The following HMCN1 variants were observed in gnomAD, a reference collection of about 807,000 sequenced individuals.
HMCN1 encodes the protein hemicentin-1.
A neutral mutation model predicts 625.9 loss-of-function variants in HMCN1; 321 were observed. The ratio of observed to expected loss-of-function variants is 0.51; its 90% CI spans 0.47 to 0.56. The LOEUF (loss-of-function observed/expected upper bound fraction) is 0.56, where lower values mean the gene tolerates loss of function less well. Ranked by LOEUF, HMCN1 falls within the 20% of genes least tolerant of loss-of-function variation. HMCN1 has a pLI of 0.00. For synonymous variants in HMCN1, 2,425 were observed against 2,417.6 expected, an observed-to-expected ratio of 1.00 and a Z score of -0.09; for missense variants, 6,588 against 6,887.3, an observed-to-expected ratio of 0.96 and a Z score of 1.54.
intron 18 of HMCN1, among the ~76,000 whole-genome samples, chr1:185,983,004 T>G (rs1039815160): frequency 1.3e-5 from 2 of 152,094 alleles, no homozygotes; most frequent in Non-Finnish European, 2.9e-5. Flanking sequence ...ATTTTCATAG[T>G]ACTTAAATAT....
intron 97 of HMCN1, among the ~76,000 whole-genome samples, chr1:186,158,359 TG>T (rs1487024237): frequency 3.3e-5 from 5 of 152,014 alleles, no homozygotes; most frequent in Non-Finnish European, 7.4e-5. Flanking sequence ...ATAAGTAGGT[TG>T]CGAAAATTTT....
chr1:185,933,849 A>C (rs370814924), intron 11 of HMCN1, 25 bp downstream of exon 11: 1 of 1,608,496 alleles, frequency 6.2e-7, no homozygotes, highest in South Asian at 1.1e-5. Flanking sequence ...TAACTTCTGA[A>C]TTATGACATC....
At position 186,115,315 on chromosome 1, in the gene HMCN1, C is replaced by T; in HGVS notation, c.11462C>T (p.Thr3821Ile). The T allele has an allele frequency of 6.2e-7, 1 of 1,614,000 alleles. No individual in the cohort carries two copies. The highest frequency in any genetic ancestry group is 8.5e-7 in the Non-Finnish European group (1 of 1,179,922). The change falls in exon 75 of 107, where the codon ACT becomes ATT. Residue 3821 changes from threonine (T) to isoleucine (I), a missense_variant. Physicochemically the swap from Thr to Ile is moderately conservative, Grantham distance 89. Around this residue, in one of 3 missense-constraint regions of HMCN1, gnomAD observed 4,628 missense variants for 4,853.1 expected, o/e 0.95. Transcript: ENST00000271588. ...ATGACTGTAATAGTAAATGTTCAAA[C>T]TACTCTGGCTTGTGAGGCTACTGGG... ...TNMTVIVNVQ[T>I]TLACEATGIP...
In HMCN1 at chr1:186,007,175, A is replaced by G. The variant is rs367764151; in HGVS notation, c.4523A>G (p.Gln1508Arg). 1.9e-5 allele frequency: 30 copies of G among 1,613,284 alleles called. No homozygotes were observed. In the African/African-American group the frequency reaches 4.0e-4, roughly 22 times the overall value. Residue 1508 changes from glutamine to arginine, a missense_variant, in exon 30 of 107, where the codon CAA (glutamine) becomes CGA (arginine). By Grantham distance (43) the Gln-to-Arg change is conservative. Coordinates refer to ENST00000271588, the MANE Select transcript of HMCN1 (RefSeq NM_031935.3). ...AATGTTGAACTTCTAGACAGAGGAC[A>G]AGTCTTACATTTAAAGAATGCACGG... ...DPNVELLDRGQVLHLKNARRN... is the reference protein window; with the variant it reads ...DPNVELLDRGRVLHLKNARRN...
chr1:185,933,921 T>G (rs1667688330), intron 11 of HMCN1, 97 bp downstream of exon 11: 132 of 862,358 alleles, frequency 1.5e-4, no homozygotes, highest in Middle Eastern at 2.2e-4. Context: ...AGTGAGAGTA[T>G]CTACCCAAAT....
intron 36 of HMCN1, 129 bp downstream of exon 36, chr1:186,023,282 C>T: frequency 1.3e-6 from 1 of 783,074 alleles, no homozygotes; most frequent in East Asian, 2.9e-5. Flanking sequence ...ATAAAAAAAA[C>T]CTAGGGTTTT....
intron 36 of HMCN1, among the ~76,000 whole-genome samples, chr1:186,035,490 A>T (rs1208041108): frequency 6.6e-6 from 1 of 151,854 alleles, no homozygotes; most frequent in African/African-American, 2.4e-5. Flanking sequence ...TCTTCTTCTA[A>T]ATTCTGGGTT....
intron 4 of HMCN1, among the ~76,000 whole-genome samples, chr1:185,907,465 C>G (rs571027377): frequency 6.6e-6 from 1 of 152,042 alleles, no homozygotes; most frequent in African/African-American, 2.4e-5. Flanking sequence ...CTGGTCCTGA[C>G]ACAGGCTTCC....
chr1:186,067,106 C>T (rs1450558813), intron 49 of HMCN1, among the ~76,000 whole-genome samples: 1 of 152,120 alleles, frequency 6.6e-6, no homozygotes, highest in Non-Finnish European at 1.5e-5. Flanking sequence ...TATGTTGCTT[C>T]TCTGCAGTTT....
chr1:185,989,395 C>A, intron 20 of HMCN1, 93 bp from the exon 21 acceptor site: 1 of 1,438,020 alleles, frequency 7.0e-7, no homozygotes, highest in Non-Finnish European at 9.7e-7. Flanking sequence ...ATGTTTTTTT[C>A]TCTCTATTCC....
intron 30 of HMCN1, among the ~76,000 whole-genome samples, chr1:186,013,730 G>C (rs1213657353): frequency 6.6e-6 from 1 of 151,832 alleles, no homozygotes; most frequent in Non-Finnish European, 1.5e-5. Flanking sequence ...AAATAGTGAG[G>C]GTATATTGAA....
At chr1:186,071,965 A>C (rs1031247732) in intron 52 of HMCN1, among the ~76,000 whole-genome samples, 4 of 152,200 alleles carry the variant, frequency 2.6e-5, no homozygotes, top group Non-Finnish European at 4.4e-5. Context: ...AACTGGGTAA[A>C]GACTAAAAGT....
chr1:185,922,546 G>A, intron 7 of HMCN1, 47 bp downstream of exon 7: 2 of 1,508,600 alleles, frequency 1.3e-6, no homozygotes, highest in Non-Finnish European at 1.8e-6. Flanking sequence ...ATATCCAAAT[G>A]AAAAATATTT....
chr1:185,985,955 A>T (rs1476071204), intron 19 of HMCN1, among the ~76,000 whole-genome samples: 1 of 152,190 alleles, frequency 6.6e-6, no homozygotes, highest in Non-Finnish European at 1.5e-5. Context: ...CCACACCCAA[A>T]TGTCATTAGA....
At chr1:185,771,379 G>A (rs767411934) in intron 1 of HMCN1, among the ~76,000 whole-genome samples, 6 of 152,138 alleles carry the variant, frequency 3.9e-5, no homozygotes, top group South Asian at 2.1e-4. Flanking sequence ...TCATTATTTG[G>A]TGTGAAGTAT....
chr1:185,978,933 G>A (rs565202561), intron 16 of HMCN1, among the ~76,000 whole-genome samples: 88 of 152,210 alleles, frequency 5.8e-4, no homozygotes, highest in Non-Finnish European at 7.9e-4. Context: ...CACCCACATC[G>A]TCTTCCCAAA....
chr1:185,937,245 C>T (rs1667856103), intron 11 of HMCN1, among the ~76,000 whole-genome samples: 1 of 152,052 alleles, frequency 6.6e-6, no homozygotes. Flanking sequence ...TAACAGAATA[C>T]CTGAGACTGG....
At chr1:185,804,529 C>T (rs1396638685) in intron 1 of HMCN1, among the ~76,000 whole-genome samples, 1 of 151,992 alleles carries the variant, frequency 6.6e-6, no homozygotes, top group Non-Finnish European at 1.5e-5. Context: ...TCATGGAATC[C>T]CACAACTCAA....
intron 1 of HMCN1, among the ~76,000 whole-genome samples, chr1:185,765,831 C>G (rs899557911): frequency 6.6e-5 from 10 of 152,146 alleles, no homozygotes; most frequent in African/African-American, 4.8e-5. Flanking sequence ...AATCTGTGTT[C>G]TAATCTATGT....
Sources: gnomAD v4.1 joint callset for allele counts (sites outside exome capture counted in the v4.1 genomes callset) on GRCh38, gnomAD v4.1.1 for gene constraint, gnomAD v4.1.1 regional missense constraint, MANE v1.5 for transcripts, NCBI Gene and HGNC (gene_info 2026-07-23, HGNC 2026-07-21) for gene names.